The following SLC36A1 variants were observed in gnomAD, a reference collection of about 807,000 sequenced individuals.
SLC36A1 encodes the protein proton-coupled amino acid transporter 1.
A neutral mutation model predicts 47.5 loss-of-function variants in SLC36A1; 30 were observed. The ratio of observed to expected loss-of-function variants is 0.63; its 90% CI spans 0.47 to 0.86. The LOEUF is 0.86. Among genes scored for constraint, SLC36A1 ranks in the 40% least tolerant of loss-of-function variants. SLC36A1 has a pLI of 0.00. For missense variants in SLC36A1, 517 were observed against 606.0 expected (o/e 0.85, Z 1.54); for synonymous variants, 255 against 249.7 (o/e 1.02, Z -0.20).
the SLC36A1 span, among the ~76,000 whole-genome samples, chr5:151,365,051 G>A: frequency 0.011 from 1,630 of 152,186 alleles, 64 homozygotes; most frequent in East Asian, 0.14. Flanking sequence ...CCAAACCCAG[G>A]TCATGTGCTC....
chr5:151,465,146 C>G lies in SLC36A1; in HGVS notation c.396C>G (p.Leu132=), dbSNP rs372343811. The change falls in exon 5 of 11, where the codon CTC becomes CTG. Residue 132 remains leucine (L), a synonymous_variant. Coordinates refer to ENST00000243389, the MANE Select transcript of SLC36A1 (RefSeq NM_078483.4). ...TAGAATCCAGCCCCTGCTCCTGGCTCCGGAACCACGCACACTGGGGAAGGT... is the reference window on the plus strand; with the variant it reads ...TAGAATCCAGCCCCTGCTCCTGGCTGCGGAACCACGCACACTGGGGAAGGT... ...YGLESSPCSW[L]RNHAHWGRRV... 9.7e-5 allele frequency: 157 copies of G among 1,614,010 alleles called. No individual in the cohort carries two copies. Among genetic ancestry groups the G allele is most frequent in the Non-Finnish European group, 1.2e-4 (141 of 1,179,968 alleles).
the SLC36A1 span, among the ~76,000 whole-genome samples, chr5:151,403,256 G>T: frequency 6.6e-6 from 1 of 151,962 alleles, no homozygotes; most frequent in Non-Finnish European, 1.5e-5. Context: ...CTTTAATTTT[G>T]TTGTTTACCT....
the SLC36A1 span, chr5:151,526,036 G>T: frequency 1.4e-6 from 2 of 1,462,568 alleles, no homozygotes; most frequent in Non-Finnish European, 1.9e-6. Context: ...ACGTGTCTGG[G>T]TATGTCATCT....
chr5:151,509,873 G>A, the SLC36A1 span: 1 of 888,488 alleles, frequency 1.1e-6, no homozygotes, highest in Non-Finnish European at 1.7e-6. Flanking sequence ...AAAAGGTTGG[G>A]GACCACTGCC....
the SLC36A1 span, among the ~76,000 whole-genome samples, chr5:151,420,225 T>C: frequency 6.6e-6 from 1 of 152,178 alleles, no homozygotes; most frequent in Non-Finnish European, 1.5e-5. Flanking sequence ...GTTGGAGTTA[T>C]ACAAGGCCCT....
At chr5:151,546,332 T>C in the SLC36A1 span, 62 of 1,610,652 alleles carry the variant, frequency 3.8e-5, no homozygotes, top group African/African-American at 7.9e-4. Flanking sequence ...AAACCTTCGC[T>C]GTTCCCTGAA....
At chr5:151,467,513 G>T (rs1667922945) in intron 6 of SLC36A1, among the ~76,000 whole-genome samples, 194 bp from the exon 7 acceptor site, 1 of 152,126 alleles carries the variant, frequency 6.6e-6, no homozygotes, top group South Asian at 2.1e-4. Context: ...AGGTACATAT[G>T]ATCAAACCTA....
At chr5:151,391,860 T>A in the SLC36A1 span, among the ~76,000 whole-genome samples, 1 of 152,306 alleles carries the variant, frequency 6.6e-6, no homozygotes, top group South Asian at 2.1e-4. Context: ...GGTCTAAAAT[T>A]TTCTTTTTTT....
At chr5:151,432,377 C>G (rs534597580), upstream of SLC36A1, among the ~76,000 whole-genome samples, 6 of 152,238 alleles carry the variant, frequency 3.9e-5, no homozygotes, top group African/African-American at 1.4e-4. Context: ...TCTTCCCCAC[C>G]TTCTTGCTCC....
the SLC36A1 span, among the ~76,000 whole-genome samples, chr5:151,397,376 A>C: frequency 1.3e-5 from 2 of 152,242 alleles, no homozygotes; most frequent in Non-Finnish European, 2.9e-5. Flanking sequence ...GTGCTTTTGG[A>C]AAGTCAAGAA....
Position 151,467,737 on chromosome 5 carries a change from A to G in SLC36A1, c.535A>G (p.Asn179Asp), listed in dbSNP as rs1240239656. 1 of 1,613,820 alleles carries G rather than the reference A, an allele frequency of 6.2e-7. No homozygotes were observed. The highest frequency in any genetic ancestry group is 1.3e-5 in the African/African-American group (1 of 74,848). The change falls in exon 7 of 11, where the codon AAC (asparagine) becomes GAC (aspartate). Residue 179 changes from asparagine (N) to aspartate (D), a missense_variant. Coordinates refer to ENST00000243389, the MANE Select transcript of SLC36A1 (RefSeq NM_078483.4). ...VIEAANGTTN[N>D]CHNNETVILT... Reference sequence around the variant, plus strand: ...AGAAGCGGCCAATGGGACCACCAATAACTGCCACAACAATGAGACGGTGAT... The same window carrying G: ...AGAAGCGGCCAATGGGACCACCAATGACTGCCACAACAATGAGACGGTGAT...
the SLC36A1 span, among the ~76,000 whole-genome samples, chr5:151,537,456 AG>A: frequency 6.8e-6 from 1 of 147,190 alleles, no homozygotes; most frequent in Non-Finnish European, 1.5e-5. Flanking sequence ...AGGGGAGGGG[AG>A]GGAAGGAAAG....
chr5:151,373,986 A>G, the SLC36A1 span, among the ~76,000 whole-genome samples: 1,094 of 152,292 alleles, frequency 7.2e-3, 4 homozygotes, highest in Non-Finnish European at 0.01. Flanking sequence ...GTGTGTATGT[A>G]TGCGTGAAAG....
the SLC36A1 span, chr5:151,366,341 G>A: frequency 5.9e-6 from 1 of 169,350 alleles, no homozygotes; most frequent in South Asian, 1.3e-4. Flanking sequence ...ATGCTAGAAT[G>A]TCAGTTTAGG....
chr5:151,352,505 T>G, the SLC36A1 span, among the ~76,000 whole-genome samples: 1 of 152,316 alleles, frequency 6.6e-6, no homozygotes, highest in African/African-American at 2.4e-5. Flanking sequence ...TGCCATAAAC[T>G]TAGTGCCATA....
the SLC36A1 span, chr5:151,517,583 C>T: frequency 1.2e-6 from 2 of 1,612,040 alleles, no homozygotes; most frequent in Admixed American, 1.7e-5. Flanking sequence ...CAGCCTGGGA[C>T]ACCCACATGA....
At chr5:151,359,168 C>T in the SLC36A1 span, among the ~76,000 whole-genome samples, 1 of 152,138 alleles carries the variant, frequency 6.6e-6, no homozygotes, top group Non-Finnish European at 1.5e-5. Flanking sequence ...TCTTTCTACA[C>T]AGAGAAATAG....
At chr5:151,436,724 A>T (rs997720612), upstream of SLC36A1, among the ~76,000 whole-genome samples, 1 of 135,082 alleles carries the variant, frequency 7.4e-6, no homozygotes, top group Non-Finnish European at 1.5e-5. Context: ...ATGATACATT[A>T]TATATGTCCT....
At chr5:151,399,109 CAG>C in the SLC36A1 span, among the ~76,000 whole-genome samples, 1 of 70,008 alleles carries the variant, frequency 1.4e-5, no homozygotes, top group Non-Finnish European at 2.8e-5. Context: ...TTTTTTGAGA[CAG>C]AGTCTTACTC....
Sources: allele counts gnomAD v4.1 joint callset (sites outside exome capture counted in the v4.1 genomes callset), GRCh38; gene constraint gnomAD v4.1.1; transcripts MANE v1.5; gene names NCBI Gene and HGNC (gene_info 2026-07-23, HGNC 2026-07-21).